NUMB: variants seen among roughly 807,000 people sequenced by gnomAD.
NUMB encodes the protein NUMB endocytic adaptor protein, also known as protein numb homolog.
In NUMB, 29 loss-of-function variants were observed where a neutral mutation model predicts 59.7. The ratio of observed to expected loss-of-function variants is 0.49; its 90% confidence interval spans 0.36 to 0.66. The LOEUF is 0.66. Among genes scored for constraint, NUMB ranks in the 30% least tolerant of loss-of-function variants. NUMB has a pLI of 0.00. For missense variants in NUMB, 723 were observed against 822.0 expected, an observed-to-expected ratio of 0.88 and a Z score of 1.47; for synonymous variants, 288 against 288.2, an observed-to-expected ratio of 1.00 and a Z score of 0.01.
rs1209172985 is a variant in NUMB at position 73,352,494 on chromosome 14, A to G, written c.126+3132T>C. Among the ~76,000 whole-genome samples the G allele has an allele frequency of 1.3e-3, 10 of 7,606 alleles. 1 individual carries two copies. The highest frequency in any genetic ancestry group is 6.8e-3 in the African/African-American group (7 of 1,032). 5.0% of individuals were successfully genotyped at this position (7,606 alleles called of 152,430 possible). On this transcript the variant is annotated intron_variant, in intron 4 of 12. Coordinates refer to ENST00000555238, the MANE Select transcript of NUMB (RefSeq NM_001005743.2). ...CACACACACATATATATATATATATATATATATATATATATATATATATAT... is the reference window on the plus strand; with the variant it reads ...CACACACACATATATATATATATATGTATATATATATATATATATATATAT...
chr14:73,278,068 A>AAAAAC (rs1566722143), intron 12 of NUMB, among the ~76,000 whole-genome samples: 1 of 150,616 alleles, frequency 6.6e-6, no homozygotes, highest in African/African-American at 2.4e-5. Flanking sequence ...AAAAAAAAAA[A>AAAAAC]CACCTAGCTT....
At chr14:73,364,085 T>C (rs1306167159) in intron 3 of NUMB, among the ~76,000 whole-genome samples, 2 of 152,218 alleles carry the variant, frequency 1.3e-5, no homozygotes, top group African/African-American at 4.8e-5. Flanking sequence ...AGGAAAACTA[T>C]GTGATCATCT....
At chr14:73,329,341 C>T (rs946628789) in intron 4 of NUMB, among the ~76,000 whole-genome samples, 2 of 152,116 alleles carry the variant, frequency 1.3e-5, no homozygotes, top group Admixed American at 6.5e-5. Flanking sequence ...GAAACTTGTA[C>T]GTGTTGTATT....
intron 6 of NUMB, among the ~76,000 whole-genome samples, chr14:73,307,996 G>A (rs949916167): frequency 6.6e-6 from 1 of 152,030 alleles, no homozygotes; most frequent in Non-Finnish European, 1.5e-5. Context: ...TCCTCCCAAC[G>A]TGCTGGGATT....
intron 2 of NUMB, among the ~76,000 whole-genome samples, chr14:73,389,291 A>AC (rs1250479584): frequency 2.0e-5 from 2 of 98,040 alleles, no homozygotes; most frequent in Non-Finnish European, 3.8e-5. Flanking sequence ...AAAAAAAAAA[A>AC]AACAAAAACA....
rs149035382 is a variant in NUMB at position 73,279,346 on chromosome 14, C to G, written c.1175G>C (p.Arg392Pro). 11 of 1,613,390 alleles carry G rather than the reference C, an allele frequency of 6.8e-6. No individual in the cohort carries two copies. Among genetic ancestry groups the G allele is most frequent in the South Asian group, 5.5e-5 (5 of 91,004 alleles). ...GGCATGGGCCCAAGGGTTGGTTTCA[C>G]GCACAGGCATTGCTACGGGTGCTAG... ...TALAPVAMPVRETNPWAHAPD... is the reference protein window; with the variant it reads ...TALAPVAMPVPETNPWAHAPD... The change falls in exon 12 of 13, where the codon CGT becomes CCT. Residue 392 changes from arginine to proline, a missense_variant. Coordinates refer to ENST00000555238, the MANE Select transcript of NUMB (RefSeq NM_001005743.2).
At chr14:73,324,881 G>C (rs1410577425) in intron 4 of NUMB, among the ~76,000 whole-genome samples, 1 of 152,078 alleles carries the variant, frequency 6.6e-6, no homozygotes, top group African/African-American at 2.4e-5. Context: ...TTTCATCTGA[G>C]GAATGCAAGT....
At chr14:73,436,005 CAAA>C (rs763169931) in intron 1 of NUMB, among the ~76,000 whole-genome samples, 1 of 92,230 alleles carries the variant, frequency 1.1e-5, no homozygotes, top group African/African-American at 4.1e-5. Context: ...GACTCTGTTT[CAAA>C]AAAAAAAAAA....
chr14:73,321,696 C>T (rs1451813336), intron 5 of NUMB, among the ~76,000 whole-genome samples: 1 of 152,144 alleles, frequency 6.6e-6, no homozygotes, highest in Non-Finnish European at 1.5e-5. Flanking sequence ...TACCATAACA[C>T]AAGGTCCCCT....
chr14:73,328,292 A>T (rs1180282195), intron 4 of NUMB, among the ~76,000 whole-genome samples: 1 of 148,496 alleles, frequency 6.7e-6, no homozygotes, highest in Admixed American at 6.8e-5. Flanking sequence ...AAAAAAAGTC[A>T]TATAAATGGA....
intron 6 of NUMB, among the ~76,000 whole-genome samples, chr14:73,315,477 C>G (rs1891038498): frequency 6.6e-6 from 1 of 152,100 alleles, no homozygotes; most frequent in African/African-American, 2.4e-5. Flanking sequence ...TTAGGGAGAT[C>G]TGAACACTGA....
intron 4 of NUMB, among the ~76,000 whole-genome samples, chr14:73,334,575 T>C (rs1892187772): frequency 6.6e-6 from 1 of 152,210 alleles, no homozygotes; most frequent in Admixed American, 6.5e-5. Context: ...TTGGGGCCTA[T>C]TCGACTTTTC....
At position 73,303,437 on chromosome 14, in the gene NUMB, G is replaced by A. The variant is rs557535887; in HGVS notation, c.235-6152C>T. Among the ~76,000 whole-genome samples, 146 of 152,042 alleles carry A rather than the reference G, an allele frequency of 9.6e-4. 1 individual carries two copies. The highest frequency in any genetic ancestry group is 3.0e-3 in the African/African-American group (124 of 41,488). The stretch of plus-strand genomic sequence containing the variant: ...TCTACTAAAAACACAAAAATCAGCC[G>A]GGCGTGGTGACATGCGCCTGTAGTC... On this transcript the variant is annotated intron_variant, in intron 6 of 12. Coordinates refer to ENST00000555238, the MANE Select transcript of NUMB (RefSeq NM_001005743.2).
chr14:73,345,887 G>A (rs1052690103), intron 4 of NUMB, among the ~76,000 whole-genome samples: 3 of 151,400 alleles, frequency 2.0e-5, no homozygotes, highest in Non-Finnish European at 4.4e-5. Context: ...CGCCCTGGGG[G>A]ACAAGAACGA....
At chr14:73,369,448 A>G (rs891628281) in intron 2 of NUMB, among the ~76,000 whole-genome samples, 1 of 152,244 alleles carries the variant, frequency 6.6e-6, no homozygotes, top group Non-Finnish European at 1.5e-5. Context: ...TGGCAAATTA[A>G]AAAAGACTTA....
In NUMB at chr14:73,276,441, G is replaced by T. The variant is rs534948337; in HGVS notation, c.*137C>A. ...CAAAATCACCCCTCACAGTACTCTG[G>T]GCCTGGACTTGTTCCTTGGGACCTT... On this transcript the variant is annotated 3_prime_UTR_variant, in exon 13 of 13. Coordinates refer to ENST00000555238, the MANE Select transcript of NUMB (RefSeq NM_001005743.2). 72 of 664,260 alleles carry T rather than the reference G, an allele frequency of 1.1e-4. No homozygotes were observed. In the East Asian group the frequency reaches 1.4e-3, roughly 13 times the overall value. The allele number at this position is 664,260 out of a possible 1,614,324, so 41.1% of individuals were successfully genotyped here.
intron 4 of NUMB, among the ~76,000 whole-genome samples, chr14:73,332,260 T>C (rs995351131): frequency 6.6e-6 from 1 of 151,978 alleles, no homozygotes; most frequent in Non-Finnish European, 1.5e-5. Flanking sequence ...TTTTCTTTTT[T>C]TTTTCTTTTT....
chr14:73,368,565 A>G (rs1298956076), intron 2 of NUMB, among the ~76,000 whole-genome samples: 1 of 151,936 alleles, frequency 6.6e-6, no homozygotes, highest in Non-Finnish European at 1.5e-5. Flanking sequence ...CCTGGGCAAC[A>G]AGAGCAAGAC....
At chr14:73,327,876 C>A (rs1891746544) in intron 4 of NUMB, among the ~76,000 whole-genome samples, 1 of 152,150 alleles carries the variant, frequency 6.6e-6, no homozygotes, top group African/African-American at 2.4e-5. Context: ...CCTCATGATG[C>A]CCATTTGTAA....
Sources: allele counts gnomAD v4.1 joint callset (sites outside exome capture counted in the v4.1 genomes callset), GRCh38; gene constraint gnomAD v4.1.1; transcripts MANE v1.5; gene names NCBI Gene and HGNC (gene_info 2026-07-23, HGNC 2026-07-21).